TOX: variants seen among roughly 807,000 people sequenced by gnomAD.
The protein encoded by TOX is thymocyte selection associated high mobility group box.
TOX carries 11 observed loss-of-function variants against 53.7 expected under a neutral mutation model. That is an observed-to-expected ratio of 0.20 (90% CI 0.13 to 0.34). TOX has a LOEUF of 0.34. Among genes scored for constraint, TOX ranks in the 10% least tolerant of loss-of-function variants. The pLI is 1.00. For synonymous variants in TOX, 225 were observed against 245.3 expected (o/e 0.92, Z 0.77); for missense variants, 570 against 664.6 (o/e 0.86, Z 1.56).
rs528434896 is a variant in TOX, at chr8:59,091,448, TA to T, written c.102+27437del. 3.1e-3 allele frequency among the ~76,000 whole-genome samples: 477 copies of T among 152,236 alleles called. 4 individuals are homozygous for T. Among genetic ancestry groups the T allele is most frequent in the African/African-American group, 0.011 (459 of 41,518 alleles). ...GGGGTCTCTTCCTCTATTCACCCCT[TA>T]AAACTTGGGTTATCTCATGATTCTT... On this transcript the variant is annotated intron_variant, in intron 1 of 8. Transcript: ENST00000361421.
At chr8:58,979,663 A>G (rs1813164324) in intron 1 of TOX, among the ~76,000 whole-genome samples, 1 of 152,246 alleles carries the variant, frequency 6.6e-6, no homozygotes. Context: ...AGAGAGAGAT[A>G]TAGATTCTCA....
At chr8:59,037,150 C>G (rs1219652246) in intron 1 of TOX, among the ~76,000 whole-genome samples, 1 of 149,318 alleles carries the variant, frequency 6.7e-6, no homozygotes, top group Non-Finnish European at 1.5e-5. Flanking sequence ...ATCAGAAGCT[C>G]CAATGTTTCC....
At chr8:59,055,195 G>T (rs1487541576) in intron 1 of TOX, among the ~76,000 whole-genome samples, 2 of 152,116 alleles carry the variant, frequency 1.3e-5, no homozygotes, top group African/African-American at 4.8e-5. Context: ...TATCAAAGGG[G>T]GAGCTGTGCT....
intron 1 of TOX, among the ~76,000 whole-genome samples, chr8:59,077,805 A>G (rs1192588611): frequency 6.6e-6 from 1 of 152,128 alleles, no homozygotes; most frequent in African/African-American, 2.4e-5. Context: ...AAAAAAGGAA[A>G]ATTTATTTAT....
intron 7 of TOX, among the ~76,000 whole-genome samples, chr8:58,813,225 GA>G (rs1810114091): frequency 3.9e-5 from 6 of 152,144 alleles, no homozygotes; most frequent in Admixed American, 3.9e-4. Context: ...TGAAATATTT[GA>G]AAACTATTCA....
chr8:58,850,674 G>A (rs1274776265), intron 4 of TOX, among the ~76,000 whole-genome samples: 1 of 152,108 alleles, frequency 6.6e-6, no homozygotes, highest in Non-Finnish European at 1.5e-5. Flanking sequence ...CAGGATTAAG[G>A]CTCCAAATGC....
intron 3 of TOX, among the ~76,000 whole-genome samples, chr8:58,915,466 T>A (rs1255020809): frequency 3.6e-5 from 4 of 109,652 alleles, no homozygotes; most frequent in Non-Finnish European, 5.6e-5. Flanking sequence ...CGGCAGGGTA[T>A]TCCAACAGAC....
chr8:58,966,065 G>A (rs1376840620), intron 1 of TOX, among the ~76,000 whole-genome samples: 1 of 152,074 alleles, frequency 6.6e-6, no homozygotes, highest in Non-Finnish European at 1.5e-5. Flanking sequence ...CACAGATCCA[G>A]TGAAAACTGA....
At chr8:58,913,023 C>T (rs747863557) in intron 3 of TOX, among the ~76,000 whole-genome samples, 4 of 152,226 alleles carry the variant, frequency 2.6e-5, no homozygotes, top group Non-Finnish European at 5.9e-5. Flanking sequence ...CTTGGCTTCA[C>T]ACTCAAGGTT....
intron 4 of TOX, among the ~76,000 whole-genome samples, chr8:58,845,616 T>C (rs1161353297): frequency 6.6e-6 from 1 of 152,152 alleles, no homozygotes; most frequent in African/African-American, 2.4e-5. Context: ...GCATATGAAG[T>C]GCTATACTTT....
intron 1 of TOX, among the ~76,000 whole-genome samples, chr8:59,079,968 C>A (rs1051251936): frequency 2.7e-5 from 4 of 150,132 alleles, no homozygotes; most frequent in Admixed American, 1.3e-4. Context: ...GCCTGTAGCC[C>A]CTTTCTGTTT....
At chr8:59,109,935 A>G (rs192487567) in intron 1 of TOX, among the ~76,000 whole-genome samples, 269 of 152,314 alleles carry the variant, frequency 1.8e-3, no homozygotes, top group Non-Finnish European at 3.4e-3. Flanking sequence ...CTAATTAAGT[A>G]AAAGTGTTCA....
intron 1 of TOX, among the ~76,000 whole-genome samples, chr8:59,064,426 T>TGCTGAACAAGTTATATA (rs1423585510): frequency 6.6e-6 from 1 of 152,254 alleles, no homozygotes; most frequent in Non-Finnish European, 1.5e-5. Flanking sequence ...TTAAAATGTT[T>TGCTGAACAAGTTATATA]GCATTGTCTT....
At chr8:58,862,481 G>A (rs1339041447) in intron 3 of TOX, among the ~76,000 whole-genome samples, 1 of 152,078 alleles carries the variant, frequency 6.6e-6, no homozygotes, top group African/African-American at 2.4e-5. Context: ...TGCTATTCAT[G>A]CTAATATAAT....
At chr8:58,884,726 C>T (rs960109424) in intron 3 of TOX, among the ~76,000 whole-genome samples, 15 of 152,216 alleles carry the variant, frequency 9.9e-5, no homozygotes, top group Non-Finnish European at 1.8e-4. Flanking sequence ...CTTATAAAGG[C>T]TTTAAAAATT....
chr8:58,866,874 T>C (rs902016666), intron 3 of TOX, among the ~76,000 whole-genome samples: 1 of 152,188 alleles, frequency 6.6e-6, no homozygotes, highest in Non-Finnish European at 1.5e-5. Context: ...TTCCTCTGTA[T>C]TGTATTTACT....
At chr8:59,031,728 C>G (rs1331217396) in intron 1 of TOX, among the ~76,000 whole-genome samples, 1 of 152,174 alleles carries the variant, frequency 6.6e-6, no homozygotes, top group Admixed American at 6.5e-5. Context: ...AAGCTAGCTT[C>G]AAGGAAGATT....
At chr8:58,856,980 C>T (rs1434457301) in intron 3 of TOX, among the ~76,000 whole-genome samples, 1 of 152,046 alleles carries the variant, frequency 6.6e-6, no homozygotes, top group East Asian at 1.9e-4. Flanking sequence ...TTATAGGCAG[C>T]CCAACATAAT....
chr8:58,932,612 T>A (rs1812274937), intron 3 of TOX, among the ~76,000 whole-genome samples: 1 of 152,170 alleles, frequency 6.6e-6, no homozygotes, highest in African/African-American at 2.4e-5. Flanking sequence ...AAAACAGCAA[T>A]CAAATTGTCT....
Sources: allele counts gnomAD v4.1 joint callset (sites outside exome capture counted in the v4.1 genomes callset), GRCh38; gene constraint gnomAD v4.1.1; transcripts MANE v1.5; gene names NCBI Gene and HGNC (gene_info 2026-07-23, HGNC 2026-07-21).